PPP2R2B: variants seen among roughly 807,000 people sequenced by gnomAD.
PPP2R2B encodes protein phosphatase 2 regulatory subunit Bbeta, also known as serine/threonine-protein phosphatase 2A 55 kDa regulatory subunit B beta isoform.
PPP2R2B carries 5 observed loss-of-function variants against 46.0 expected under a neutral mutation model. The observed-to-expected ratio is 0.11, with a 90% confidence interval of 0.06 to 0.23. PPP2R2B has a LOEUF of 0.23. Among genes scored for constraint, PPP2R2B ranks in the 10% least tolerant of loss-of-function variants. The pLI is 1.00. For synonymous variants in PPP2R2B, 215 were observed against 206.7 expected (o/e 1.04, Z -0.34); for missense variants, 367 against 575.0 (o/e 0.64, Z 3.70).
At chr5:146,842,135 T>A (rs1467436559) in intron 2 of PPP2R2B, among the ~76,000 whole-genome samples, 2 of 152,188 alleles carry the variant, frequency 1.3e-5, no homozygotes, top group African/African-American at 4.8e-5. Flanking sequence ...TGCACATTTA[T>A]CTTCAGCTAA....
intron 2 of PPP2R2B, among the ~76,000 whole-genome samples, chr5:146,848,139 G>GT (rs137984593): frequency 0.15 from 17,656 of 116,934 alleles, 1,810 homozygotes; most frequent in African/African-American, 0.33. Flanking sequence ...TTATTCTTTA[G>GT]TTTTTTTTAT....
intron 4 of PPP2R2B, among the ~76,000 whole-genome samples, chr5:146,697,099 C>T (rs1392348553): frequency 2.0e-5 from 3 of 152,084 alleles, no homozygotes; most frequent in African/African-American, 7.2e-5. Flanking sequence ...CTTCTTGCTT[C>T]TCGATTTAAA....
chr5:147,005,798 A>G (rs1008711955), intron 1 of PPP2R2B, among the ~76,000 whole-genome samples: 1 of 138,978 alleles, frequency 7.2e-6, no homozygotes, highest in Admixed American at 6.8e-5. Flanking sequence ...AGAGAGAGAC[A>G]GACAAAGAAG....
At chr5:147,070,243 A>G (rs975717446) in intron 2 of PPP2R2B, among the ~76,000 whole-genome samples, 3 of 152,154 alleles carry the variant, frequency 2.0e-5, no homozygotes, top group Non-Finnish European at 4.4e-5. Context: ...TTCAACACCT[A>G]CTGCCCATAT....
At chr5:146,972,952 T>C (rs922585) in intron 1 of PPP2R2B, among the ~76,000 whole-genome samples, 28,986 of 152,112 alleles carry the variant, frequency 0.19, 3,217 homozygotes, top group East Asian at 0.31. Flanking sequence ...ATTTTTTCTG[T>C]TGTGTTTTTG....
intron 2 of PPP2R2B, among the ~76,000 whole-genome samples, chr5:146,785,044 T>C (rs1163119240): frequency 6.6e-6 from 1 of 152,240 alleles, no homozygotes; most frequent in Non-Finnish European, 1.5e-5. Context: ...TCCATTTTAC[T>C]TAGCAATAAA....
intron 2 of PPP2R2B, chr5:146,856,438 T>C (rs1335193407): frequency 1.3e-5 from 17 of 1,320,574 alleles, no homozygotes; most frequent in Non-Finnish European, 1.9e-5. Flanking sequence ...ATTGGAACTA[T>C]TTAACACTTC....
At chr5:146,789,317 T>TAAAACC (rs1338398497) in intron 2 of PPP2R2B, among the ~76,000 whole-genome samples, 1 of 152,144 alleles carries the variant, frequency 6.6e-6, no homozygotes, top group Non-Finnish European at 1.5e-5. Flanking sequence ...ACCCTTTCAG[T>TAAAACC]CTCTCCATAA....
intron 1 of PPP2R2B, among the ~76,000 whole-genome samples, chr5:146,956,655 A>G (rs780979419): frequency 4.6e-5 from 7 of 152,198 alleles, no homozygotes; most frequent in Non-Finnish European, 8.8e-5. Flanking sequence ...ATGCATATGT[A>G]TGTATATATC....
rs115465058 is a variant in PPP2R2B, at chr5:146,948,429, C to T, written c.79+107236G>A. On this transcript the variant is annotated intron_variant, in intron 1 of 8. Coordinates refer to the PPP2R2B transcript ENST00000336640. ...GCATGTGAAGTCCTTGATACTGTTC[C>T]TGGAAGATGGTAAAATTTCAATAAA... is the stretch of plus-strand genomic sequence containing the variant. Among the ~76,000 whole-genome samples the T allele has an allele frequency of 3.3e-3, 500 of 152,002 alleles. 3 individuals carry two copies. The highest frequency in any genetic ancestry group is 0.011 in the African/African-American group (466 of 41,466).
chr5:146,777,607 T>C (rs1297758604), intron 2 of PPP2R2B, among the ~76,000 whole-genome samples: 2 of 152,166 alleles, frequency 1.3e-5, no homozygotes, highest in African/African-American at 4.8e-5. Context: ...GTGGTTAAAA[T>C]GGTAAATTTT....
At chr5:146,709,401 CT>C (rs1240406341) in intron 2 of PPP2R2B, among the ~76,000 whole-genome samples, 5 of 152,164 alleles carry the variant, frequency 3.3e-5, no homozygotes, top group Non-Finnish European at 7.3e-5. Context: ...TCTTCCTTGC[CT>C]GCCTCCTACT....
intron 2 of PPP2R2B, among the ~76,000 whole-genome samples, chr5:146,774,130 C>T (rs1032102929): frequency 6.6e-6 from 1 of 152,160 alleles, no homozygotes; most frequent in Non-Finnish European, 1.5e-5. Flanking sequence ...CCTGGATACT[C>T]TAACTTGATG....
chr5:146,709,566 T>A (rs116619119), intron 2 of PPP2R2B, among the ~76,000 whole-genome samples: 1,909 of 152,298 alleles, frequency 0.013, 45 homozygotes, highest in African/African-American at 0.044. Flanking sequence ...AAGAGTTTTC[T>A]TCCCTGAATA....
In PPP2R2B at chr5:146,586,352, C is replaced by T. The variant is rs1358414393; in HGVS notation, c.*3595G>A. ...TCATCCCTAAATCCTCATTATGAGG[C>T]CTACCAGGGCTTTCTTGAGCCCTGC... On this transcript the variant is annotated 3_prime_UTR_variant, in exon 10 of 10. Coordinates refer to ENST00000394411, the MANE Select transcript of PPP2R2B (RefSeq NM_181675.4). 6.6e-6 allele frequency: 1 copy of T among 152,208 alleles called. No individual in the cohort carries two copies. The highest frequency in any genetic ancestry group is 1.5e-5 in the Non-Finnish European group (1 of 68,044). The allele number at this position is 152,208 out of a possible 1,614,324, so 9.4% of individuals were successfully genotyped here.
chr5:146,701,122 C>G lies in PPP2R2B; in HGVS notation c.91G>C (p.Glu31Gln), dbSNP rs746960550. 1 of 1,613,758 alleles carries G rather than the reference C, an allele frequency of 6.2e-7. No individual in the cohort carries two copies. Among genetic ancestry groups the G allele is most frequent in the Non-Finnish European group, 8.5e-7 (1 of 1,179,674 alleles). ...AGTAATTCTCCCGTGTGGTTGAATT[C>G]TACCGTAGAGATAATGTCAGCTGCA... is the stretch of plus-strand genomic sequence containing the variant. ...ATEADIISTV[E>Q]FNHTGELLAT... Residue 31 changes from glutamate (E) to glutamine (Q), a missense_variant, in exon 3 of 10, where the codon GAA becomes CAA. Physicochemically the swap from Glu to Gln is conservative, Grantham distance 29 (BLOSUM62 2). This residue lies in a region of PPP2R2B where 361 missense variants were observed against 545.5 expected (regional missense o/e 0.66). Coordinates refer to ENST00000394411, the MANE Select transcript of PPP2R2B (RefSeq NM_181675.4).
At chr5:146,922,167 G>A (rs571489149) in intron 1 of PPP2R2B, among the ~76,000 whole-genome samples, 2 of 152,244 alleles carry the variant, frequency 1.3e-5, no homozygotes, top group East Asian at 3.9e-4. Flanking sequence ...GATAAATATT[G>A]GTAGAATGAA....
rs377690624 is a variant in PPP2R2B, at chr5:146,968,325, A to G, written c.79+87340T>C. 4.5e-4 allele frequency among the ~76,000 whole-genome samples: 69 copies of G among 152,266 alleles called. 1 individual carries two copies. The highest frequency in any genetic ancestry group is 1.6e-3 in the African/African-American group (66 of 41,538). On this transcript the variant is annotated intron_variant, in intron 1 of 8. Transcript: ENST00000336640. ...GTTTTCATATATTTATGTACTTGTA[A>G]ATTGACAAATCTTGTCTTGAATATA...
chr5:146,971,434 A>G (rs1752657067), intron 1 of PPP2R2B, among the ~76,000 whole-genome samples: 1 of 152,148 alleles, frequency 6.6e-6, no homozygotes, highest in Non-Finnish European at 1.5e-5. Flanking sequence ...CTTACGCTCT[A>G]TGTTGGGAGT....
Sources: gnomAD v4.1 joint callset for allele counts (sites outside exome capture counted in the v4.1 genomes callset) on GRCh38, gnomAD v4.1.1 for gene constraint, gnomAD v4.1.1 regional missense constraint, MANE v1.5 for transcripts, NCBI Gene and HGNC (gene_info 2026-07-23, HGNC 2026-07-21) for gene names.